The following ELAPOR2 variants were observed in gnomAD, a reference collection of about 807,000 sequenced individuals.
ELAPOR2 encodes the protein endosome/lysosome-associated apoptosis and autophagy regulator family member 2.
In ELAPOR2, 89 loss-of-function variants were observed where a neutral mutation model predicts 120.7. The ratio of observed to expected loss-of-function variants is 0.74; its 90% confidence interval spans 0.62 to 0.88. ELAPOR2 has a LOEUF of 0.88. ELAPOR2 is among the 40% of genes least tolerant of loss of function. The probability of loss-of-function intolerance (pLI) is 0.00; values close to 1 mark genes in which losing one functional copy is unlikely to be tolerated. For synonymous variants in ELAPOR2, 444 were observed against 444.9 expected (o/e 1.00, Z 0.03); for missense variants, 1,134 against 1,251.6 (o/e 0.91, Z 1.42).
intron 1 of ELAPOR2, among the ~76,000 whole-genome samples, chr7:86,987,754 G>C (rs1792803501): frequency 6.6e-6 from 1 of 152,114 alleles, no homozygotes; most frequent in African/African-American, 2.4e-5. Flanking sequence ...TGGTGGGACT[G>C]TAAAGTAGTT....
chr7:86,964,932 C>T lies in ELAPOR2; in HGVS notation c.282G>A (p.Leu94=). The change falls in exon 2 of 22, where the codon CTG becomes CTA. Residue 94 remains leucine (L), a synonymous_variant. Coordinates refer to ENST00000450689, the MANE Select transcript of ELAPOR2 (RefSeq NM_001142749.3). The part of the protein sequence containing the change: ...IPNSAVDCSG[L]PDPVRGKECT... ...ATTCTTTGCCTCTCACTGGGTCAGGCAGGCCAGAGCAGTCCACTGCAGAAT... is the reference window on the plus strand; with the variant it reads ...ATTCTTTGCCTCTCACTGGGTCAGGTAGGCCAGAGCAGTCCACTGCAGAAT... The T allele has an allele frequency of 6.4e-7, 1 of 1,551,484 alleles. No homozygotes were observed. Among genetic ancestry groups the T allele is most frequent in the Non-Finnish European group, 8.7e-7 (1 of 1,146,826 alleles).
At chr7:86,909,727 G>T in intron 16 of ELAPOR2, 85 bp downstream of exon 16, 1 of 1,207,170 alleles carries the variant, frequency 8.3e-7, no homozygotes. Context: ...ATCATCTATA[G>T]CAAACACCAA....
intron 10 of ELAPOR2, chr7:86,919,590 G>T: frequency 3.9e-6 from 1 of 257,660 alleles, no homozygotes. Context: ...TAAAACAGAT[G>T]GTCTCTATCT....
intron 1 of ELAPOR2, among the ~76,000 whole-genome samples, chr7:87,024,658 C>G (rs1013738093): frequency 6.6e-6 from 1 of 152,052 alleles, no homozygotes. Context: ...CCTCCTTGTA[C>G]CTCTGGTAGA....
chr7:86,917,180 G>C (rs2116143344), intron 12 of ELAPOR2, among the ~76,000 whole-genome samples: 1 of 152,018 alleles, frequency 6.6e-6, no homozygotes, highest in Middle Eastern at 3.4e-3. Context: ...AGCACTTTGG[G>C]AGGCCAAAAT....
chr7:86,962,573 C>T (rs924142852), intron 2 of ELAPOR2, among the ~76,000 whole-genome samples: 1 of 152,178 alleles, frequency 6.6e-6, no homozygotes, highest in African/African-American at 2.4e-5. Context: ...GGGTAAGACA[C>T]AGGCTCTAGA....
chr7:87,035,165 G>A (rs1440895879), intron 1 of ELAPOR2, among the ~76,000 whole-genome samples: 1 of 151,822 alleles, frequency 6.6e-6, no homozygotes, highest in Non-Finnish European at 1.5e-5. Context: ...ACCAGTTACA[G>A]TAGGTATGGA....
In ELAPOR2 at chr7:86,938,176, T is replaced by C. The variant is rs1391817447; in HGVS notation, c.1039A>G (p.Thr347Ala). The C allele has an allele frequency of 1.9e-6, 3 of 1,552,242 alleles. No individual in the cohort carries two copies. Among genetic ancestry groups the C allele is most frequent in the African/African-American group, 1.4e-5 (1 of 73,256 alleles). ...TGGATCTGGAAATAGTCTTTTGTGGTACAGGGAGGGCGCTCTGTACACTCA... is the reference window on the plus strand; with the variant it reads ...TGGATCTGGAAATAGTCTTTTGTGGCACAGGGAGGGCGCTCTGTACACTCA... ...SSECTERPPC[T>A]TKDYFQIHTP... Residue 347 changes from threonine (T) to alanine (A), a missense_variant, in exon 8 of 22, where the codon ACC (threonine) becomes GCC (alanine). By Grantham distance (58) the Thr-to-Ala change is moderately conservative. Coordinates refer to ENST00000450689, the MANE Select transcript of ELAPOR2 (RefSeq NM_001142749.3).
intron 2 of ELAPOR2, among the ~76,000 whole-genome samples, chr7:86,961,832 G>C (rs1791721960): frequency 6.6e-6 from 1 of 152,182 alleles, no homozygotes; most frequent in Admixed American, 6.5e-5. Flanking sequence ...CTAAACTCTT[G>C]GCACCAGGGC....
chr7:86,971,649 CAGAGT>C (rs532411781), intron 1 of ELAPOR2, among the ~76,000 whole-genome samples: 103 of 152,106 alleles, frequency 6.8e-4, no homozygotes, highest in African/African-American at 2.2e-3. Context: ...CTAAAGAGAG[CAGAGT>C]AAAGGATTAA....
At chr7:87,032,072 T>C (rs190799613) in intron 1 of ELAPOR2, among the ~76,000 whole-genome samples, 70 of 152,238 alleles carry the variant, frequency 4.6e-4, no homozygotes, top group Admixed American at 3.1e-3. Flanking sequence ...AGGAAACTTT[T>C]GGGGATGTTG....
At chr7:86,993,246 A>AAAAAAAAAAAAAAAAAAAAG in intron 1 of ELAPOR2, among the ~76,000 whole-genome samples, 1 of 143,988 alleles carries the variant, frequency 6.9e-6, no homozygotes, top group Non-Finnish European at 1.5e-5. Flanking sequence ...AAAAAAAAAA[A>AAAAAAAAAAAAAAAAAAAAG]AAAAGAAAAA....
At chr7:86,880,703 TA>T (rs1037027977) in intron 21 of ELAPOR2, among the ~76,000 whole-genome samples, 173 bp from the exon 22 acceptor site, 74 of 150,740 alleles carry the variant, frequency 4.9e-4, no homozygotes, top group African/African-American at 1.8e-3. Flanking sequence ...GTAGCATGCC[TA>T]CCCTGAAGGG....
chr7:87,013,014 A>C (rs1428451922), intron 1 of ELAPOR2, among the ~76,000 whole-genome samples: 1 of 152,246 alleles, frequency 6.6e-6, no homozygotes, highest in Non-Finnish European at 1.5e-5. Context: ...ATCAAATAGA[A>C]CACAAAGAAG....
chr7:87,043,659 T>A (rs1240077082), intron 1 of ELAPOR2, among the ~76,000 whole-genome samples: 1 of 148,914 alleles, frequency 6.7e-6, no homozygotes, highest in Non-Finnish European at 1.5e-5. Flanking sequence ...AATATCATAC[T>A]GAATGGGCAA....
At position 87,016,208 on chromosome 7, in the gene ELAPOR2, G is replaced by A. The variant is rs185868066; in HGVS notation, c.189+43117C>T. ...GTATGTTAGTGTTTATGTGTATAGG[G>A]ATATTTTAGACTCAAAATGTATCTC... On this transcript the variant is annotated intron_variant, in intron 1 of 21. Coordinates refer to ENST00000450689, the MANE Select transcript of ELAPOR2 (RefSeq NM_001142749.3). Among the ~76,000 whole-genome samples the A allele has an allele frequency of 3.1e-3, 472 of 152,156 alleles. 1 individual carries two copies. The highest frequency in any genetic ancestry group is 3.0e-3 in the Non-Finnish European group (205 of 68,010).
intron 2 of ELAPOR2, among the ~76,000 whole-genome samples, chr7:86,953,588 C>T (rs1204781368): frequency 6.6e-6 from 1 of 152,080 alleles, no homozygotes. Context: ...TTTTAGCATA[C>T]AACATAGGAA....
At chr7:87,003,307 G>C (rs1793375435) in intron 1 of ELAPOR2, among the ~76,000 whole-genome samples, 1 of 152,084 alleles carries the variant, frequency 6.6e-6, no homozygotes, top group Admixed American at 6.6e-5. Flanking sequence ...GAGAGCTTCT[G>C]ACATTATGGC....
intron 1 of ELAPOR2, among the ~76,000 whole-genome samples, chr7:86,987,642 A>G (rs910464565): frequency 6.0e-4 from 91 of 151,900 alleles, no homozygotes; most frequent in African/African-American, 1.9e-3. Context: ...CAAAACCACA[A>G]TGAGATACCA....
Sources: gnomAD v4.1 joint callset for allele counts (sites outside exome capture counted in the v4.1 genomes callset) on GRCh38, gnomAD v4.1.1 for gene constraint, MANE v1.5 for transcripts, NCBI Gene and HGNC (gene_info 2026-07-23, HGNC 2026-07-21) for gene names.